HSPG2: variants seen among roughly 807,000 people sequenced by gnomAD.
HSPG2 encodes basement membrane-specific heparan sulfate proteoglycan core protein.
In HSPG2, 278 loss-of-function variants were observed where a neutral mutation model predicts 526.6. The observed-to-expected ratio is 0.53, with a 90% CI of 0.48 to 0.58. HSPG2 has a LOEUF of 0.58. HSPG2 is among the 20% of genes least tolerant of loss of function. HSPG2 has a pLI of 0.00. For synonymous variants in HSPG2, 2,465 were observed against 2,555.4 expected (o/e 0.96, Z 1.07); for missense variants, 5,354 against 6,099.5 (o/e 0.88, Z 4.07).
intron 33 of HSPG2, among the ~76,000 whole-genome samples, chr1:21,866,595 G>A (rs543590648): frequency 6.6e-6 from 1 of 152,370 alleles, no homozygotes; most frequent in South Asian, 2.1e-4. Flanking sequence ...GCAGTTGCAT[G>A]AGCCGATAGA....
At chr1:21,844,427 A>AGGCCT (rs997095957) in intron 64 of HSPG2, 128 bp from the exon 65 acceptor site, 21 of 1,079,458 alleles carry the variant, frequency 1.9e-5, no homozygotes, top group Non-Finnish European at 2.8e-5. Flanking sequence ...CGTTCCATTG[A>AGGCCT]GGCCTGGAGC....
Position 21,893,549 on chromosome 1 carries a change from A to T in HSPG2, c.244+2373T>A, listed in dbSNP as rs1179092026. Reference sequence around the variant, plus strand: ...AGAGGATGGGGAGGGAGGCAGAGGGAGAGCAGCGCTCCCACCTGGCCAGGG... The same window carrying T: ...AGAGGATGGGGAGGGAGGCAGAGGGTGAGCAGCGCTCCCACCTGGCCAGGG... On this transcript the variant is annotated intron_variant, in intron 3 of 96. Coordinates refer to ENST00000374695, the MANE Select transcript of HSPG2 (RefSeq NM_005529.7). This position sits in a 1 kb window ranked among gnomAD's most constrained non-coding sequence, Gnocchi z 4.3. 6.6e-6 allele frequency among the ~76,000 whole-genome samples: 1 copy of T among 152,124 alleles called. No homozygotes were observed. Among genetic ancestry groups the T allele is most frequent in the Non-Finnish European group, 1.5e-5 (1 of 67,998 alleles).
Position 21,848,128 on chromosome 1 carries a change from G to C in HSPG2, c.7738-35C>G, listed in dbSNP as rs1447677449. On this transcript the variant is annotated intron_variant, in intron 59 of 96. Coordinates refer to ENST00000374695, the MANE Select transcript of HSPG2 (RefSeq NM_005529.7). This position sits in a 1 kb window ranked among gnomAD's most constrained non-coding sequence, Gnocchi z 4.9. ...GCAGATGGCAGGAGGTATGGCAGTA[G>C]GTGTGGGCAGCTCCTCCACATCTTG... The C allele has an allele frequency of 1.1e-5, 17 of 1,552,940 alleles. No individual in the cohort carries two copies. The highest frequency in any genetic ancestry group is 1.4e-5 in the Non-Finnish European group (16 of 1,150,644).
In HSPG2 at chr1:21,830,652, T is replaced by G. The variant is rs1256690111; in HGVS notation, c.11671+330A>C. On this transcript the variant is annotated intron_variant, in intron 85 of 96. Coordinates refer to ENST00000374695, the MANE Select transcript of HSPG2 (RefSeq NM_005529.7). ...TTGCAGTGAGCTGAGATCGTGCCAC[T>G]GCACTCCAGCCTGGGCAACAAGAGC... is the stretch of plus-strand genomic sequence containing the variant. The G allele has an allele frequency of 9.7e-6, 3 of 308,382 alleles. No individual in the cohort carries two copies. The Admixed American group carries it at 1.7e-4, about 17-fold the overall frequency. 19.1% of individuals were successfully genotyped at this position (308,382 alleles called of 1,614,324 possible). A position where few individuals can be genotyped will look rare whatever the true frequency, so the allele number is the denominator to read the frequency against.
intron 52 of HSPG2, 41 bp from the exon 53 acceptor site, chr1:21,852,274 T>C: frequency 6.2e-7 from 1 of 1,613,138 alleles, no homozygotes; most frequent in Non-Finnish European, 8.5e-7. Context: ...TAGATGCTCC[T>C]GAGATGAGAG....
Position 21,919,883 on chromosome 1 carries a change from T to C in HSPG2, c.63+17272A>G, listed in dbSNP as rs530819695. On this transcript the variant is annotated intron_variant, in intron 1 of 96. Transcript: ENST00000374695. ...CCTTTGTTTCTTGTGATTTGATCTATAAGAAATTCTCCTAAGGGACTGGAA... is the reference window on the plus strand; with the variant it reads ...CCTTTGTTTCTTGTGATTTGATCTACAAGAAATTCTCCTAAGGGACTGGAA... Among the ~76,000 whole-genome samples the C allele has an allele frequency of 1.1e-4, 16 of 152,322 alleles. No individual in the cohort carries two copies. The South Asian group carries it at 3.3e-3, about 32-fold the overall frequency.
Position 21,880,533 on chromosome 1 carries a change from C to G in HSPG2, c.2025G>C (p.Arg675=). Residue 675 remains arginine, a synonymous_variant, in exon 16 of 97, where the codon CGG becomes CGC. Coordinates refer to ENST00000374695, the MANE Select transcript of HSPG2 (RefSeq NM_005529.7). The part of the protein sequence containing the change: ...SEEHWVHESG[R]PVQRAELLQV... The stretch of plus-strand genomic sequence containing the variant: ...GCAGCAGCTCCGCGCGCTGCACCGG[C>G]CGGCCAGACTCATGGACCCAGTGCT... The G allele has an allele frequency of 6.2e-7, 1 of 1,613,626 alleles. No homozygotes were observed. The highest frequency in any genetic ancestry group is 8.5e-7 in the Non-Finnish European group (1 of 1,179,968).
At position 21,858,841 on chromosome 1, in the gene HSPG2, T is replaced by TA. The variant is rs1293699249; in HGVS notation, c.5293+724dup. Among the ~76,000 whole-genome samples, 2 of 152,186 alleles carry TA rather than the reference T, an allele frequency of 1.3e-5. No individual in the cohort carries two copies. Among genetic ancestry groups the TA allele is most frequent in the African/African-American group, 2.4e-5 (1 of 41,450 alleles). ...AGTCAATGACTGACAGAAGCTGGCC[T>TA]AGACATACTGCAGCTCCTTGGACCC... On this transcript the variant is annotated intron_variant, in intron 42 of 96. Transcript: ENST00000374695. This position sits in a 1 kb window ranked among gnomAD's most constrained non-coding sequence, Gnocchi z 4.2.
intron 47 of HSPG2, 51 bp downstream of exon 47, chr1:21,855,251 ACT>A (rs1348280626): frequency 4.6e-5 from 72 of 1,562,462 alleles, no homozygotes; most frequent in Non-Finnish European, 6.2e-5. Context: ...GGTGGCTGGG[ACT>A]CTCTGCAGAG....
At position 21,823,224 on chromosome 1, in the gene HSPG2, C is replaced by T; in HGVS notation, c.*92G>A. On this transcript the variant is annotated 3_prime_UTR_variant, in exon 97 of 97. Transcript: ENST00000374695. ...GCAAAGCGTGGCATCGCCTCGGTTT[C>T]TTACAAAAATTCATAATAATATTAA... 5 of 1,244,634 alleles carry T rather than the reference C, an allele frequency of 4.0e-6. No individual in the cohort carries two copies. The highest frequency in any genetic ancestry group is 3.0e-5 in the Admixed American group (1 of 32,906). 77.1% of individuals were successfully genotyped at this position (1,244,634 alleles called of 1,614,324 possible).
chr1:21,872,685 A>G lies in HSPG2; in HGVS notation c.3964T>C (p.Cys1322Arg). Residue 1322 changes from cysteine to arginine, a missense_variant, in exon 32 of 97, where the codon TGC (cysteine) becomes CGC (arginine). By Grantham distance (180) the Cys-to-Arg change is radical. Transcript: ENST00000374695. The surrounding 1 kb of genome is among the most constrained non-coding windows in gnomAD (Gnocchi z 5.5). ...FHLSASNPDG[C>R]LPCFCMGITQ... ...ATGCCCATACAGAAGCAGGGCAGGC[A>G]GCCGTCTGGGTTGCTGGCACTCAGG... 1 of 1,606,976 alleles carries G rather than the reference A, an allele frequency of 6.2e-7. No homozygotes were observed. Among genetic ancestry groups the G allele is most frequent in the South Asian group, 1.1e-5 (1 of 89,382 alleles).
Position 21,822,400 on chromosome 1 carries a change from G to A in HSPG2, c.*916C>T. 1.6e-6 allele frequency: 1 copy of A among 634,672 alleles called. No homozygotes were observed. Among genetic ancestry groups the A allele is most frequent in the South Asian group, 1.8e-5 (1 of 54,882 alleles). The allele number at this position is 634,672 out of a possible 1,614,324, so 39.3% of individuals were successfully genotyped here. The stretch of plus-strand genomic sequence containing the variant: ...TCTTCAGGCTCCTGCAGATGGGGCA[G>A]GGTGGTCATATCCCCCTCCTCTCTC... On this transcript the variant is annotated 3_prime_UTR_variant, in exon 97 of 97. Coordinates refer to ENST00000374695, the MANE Select transcript of HSPG2 (RefSeq NM_005529.7).
intron 14 of HSPG2, 67 bp from the exon 15 acceptor site, chr1:21,880,902 G>C: frequency 6.9e-7 from 1 of 1,455,066 alleles, no homozygotes; most frequent in South Asian, 1.2e-5. Flanking sequence ...CCTATGAGGT[G>C]CCTATAGTCT....
At chr1:21,934,662 C>A (rs1365316779) in intron 1 of HSPG2, among the ~76,000 whole-genome samples, 2 of 151,624 alleles carry the variant, frequency 1.3e-5, no homozygotes, top group African/African-American at 4.8e-5. Flanking sequence ...GTGGCGCGAT[C>A]TCGGCTCACT....
In HSPG2 at chr1:21,875,621, C is replaced by G. The variant is rs1640998772; in HGVS notation, c.3302+8G>C. ...CCATGCTGGTCCTCCTGCCCCGGCT[C>G]CAGACACCTGCTCTCAGCGGGCTGC... On this transcript the variant is annotated splice_region_variant and intron_variant, in intron 25 of 96. Coordinates refer to ENST00000374695, the MANE Select transcript of HSPG2 (RefSeq NM_005529.7). 4 of 1,599,320 alleles carry G rather than the reference C, an allele frequency of 2.5e-6. No homozygotes were observed. In the East Asian group the frequency reaches 8.9e-5, roughly 36 times the overall value.
In HSPG2 at chr1:21,885,165, G is replaced by A. The variant is rs371921854; in HGVS notation, c.1211-8C>T. 37 of 1,606,354 alleles carry A rather than the reference G, an allele frequency of 2.3e-5. No homozygotes were observed. The highest frequency in any genetic ancestry group is 5.1e-6 in the Non-Finnish European group (6 of 1,175,926). On this transcript the variant is annotated splice_region_variant and splice_polypyrimidine_tract_variant and intron_variant, in intron 10 of 96. Coordinates refer to ENST00000374695, the MANE Select transcript of HSPG2 (RefSeq NM_005529.7). ...TCACCACCTGGGGGGGCACTGAGGA[G>A]ACCAGGGCAGGAGTGAGGGGTCGGG...
At position 21,880,411 on chromosome 1, in the gene HSPG2, A is replaced by G. The variant is rs374685217; in HGVS notation, c.2147T>C (p.Val716Ala). 13 of 1,613,870 alleles carry G rather than the reference A, an allele frequency of 8.1e-6. No individual in the cohort carries two copies. Among genetic ancestry groups the G allele is most frequent in the Non-Finnish European group, 1.1e-5 (13 of 1,180,016 alleles). ...ACGGCCATGGCTGGTGGCATGGGTG[A>G]CGGTGGTATCCATGGCGATGTCGCT... ...GLSDIAMDTTVTHATSHGRAH... is the reference protein window; with the variant it reads ...GLSDIAMDTTATHATSHGRAH... The change falls in exon 16 of 97, where the codon GTC becomes GCC. Residue 716 changes from valine to alanine, a missense_variant. Physicochemically the swap from Val to Ala is moderately conservative, Grantham distance 64 (BLOSUM62 0). Transcript: ENST00000374695.
intron 39 of HSPG2, 102 bp downstream of exon 39, chr1:21,861,655 T>C: frequency 9.3e-7 from 1 of 1,078,316 alleles, no homozygotes; most frequent in East Asian, 2.5e-5. Flanking sequence ...GGAAGGAGCA[T>C]AATCCTAGAA....
Position 21,822,843 on chromosome 1 carries a change from C to T in HSPG2, c.*473G>A. 1 of 161,584 alleles carries T rather than the reference C, an allele frequency of 6.2e-6. No homozygotes were observed. The highest frequency in any genetic ancestry group is 1.4e-5 in the Non-Finnish European group (1 of 73,552). 10.0% of individuals were successfully genotyped at this position (161,584 alleles called of 1,614,324 possible). On this transcript the variant is annotated 3_prime_UTR_variant, in exon 97 of 97. Coordinates refer to ENST00000374695, the MANE Select transcript of HSPG2 (RefSeq NM_005529.7). ...GGGTGAGCTGCCTTTTGCTCCACAG[C>T]CGGCACTAAAGACAATTCCCAATCC...
Sources: gnomAD v4.1 joint callset for allele counts (sites outside exome capture counted in the v4.1 genomes callset) on GRCh38, gnomAD v4.1.1 for gene constraint, Gnocchi (gnomAD v3.1) non-coding constraint, MANE v1.5 for transcripts, NCBI Gene and HGNC (gene_info 2026-07-23, HGNC 2026-07-21) for gene names.